Variants in MEGF6 observed in about 807,000 individuals in gnomAD.
MEGF6 encodes the protein multiple EGF like domains 6.
In MEGF6, 184 loss-of-function variants were observed where a neutral mutation model predicts 207.1. The observed-to-expected ratio is 0.89, with a 90% CI of 0.79 to 1.00. The LOEUF (loss-of-function observed/expected upper bound fraction) is 1.00. MEGF6 is among the 50% of genes least tolerant of loss of function. The probability of loss-of-function intolerance (pLI) is 0.00; values close to 1 mark genes in which losing one functional copy is unlikely to be tolerated. For synonymous variants in MEGF6, 1,038 were observed against 910.0 expected (o/e 1.14, Z -2.53); for missense variants, 2,282 against 2,202.9 (o/e 1.04, Z -0.72).
Position 3,492,714 on chromosome 1 carries a change from C to T in MEGF6, c.4441G>A (p.Gly1481Ser). The T allele has an allele frequency of 3.1e-6, 5 of 1,612,658 alleles. No individual in the cohort carries two copies. The South Asian group carries it at 5.5e-5, about 18-fold the overall frequency. The change falls in exon 35 of 37, where the codon GGT (glycine) becomes AGT (serine). Residue 1481 changes from glycine (G) to serine (S), a missense_variant. Physicochemically the swap from Gly to Ser is moderately conservative, Grantham distance 56. Transcript: ENST00000356575. ...CTGACAGGGTCGCAGTCAGCCCCAC[C>T]CCCGCAGTCACAGTGCAGGGTGCAG... ...PSCTLHCDCGGGADCDPVSGQ... is the reference protein window; with the variant it reads ...PSCTLHCDCGSGADCDPVSGQ...
intron 30 of MEGF6, 131 bp from the exon 31 acceptor site, chr1:3,494,872 C>T: frequency 7.4e-7 from 1 of 1,355,868 alleles, no homozygotes; most frequent in East Asian, 2.6e-5. Flanking sequence ...TCTCTGCCTG[C>T]TGGGCGGGCA....
intron 5 of MEGF6, among the ~76,000 whole-genome samples, chr1:3,516,312 GC>G: frequency 6.6e-6 from 1 of 152,370 alleles, no homozygotes; most frequent in East Asian, 1.9e-4. Context: ...AAAAGCGGTA[GC>G]CAGCCCCTCA....
At chr1:3,561,547 AT>A (rs956252894) in intron 4 of MEGF6, among the ~76,000 whole-genome samples, 4 of 152,120 alleles carry the variant, frequency 2.6e-5, no homozygotes, top group African/African-American at 9.7e-5. Context: ...GTCGGGGACC[AT>A]GCACCCCGCA....
chr1:3,557,136 A>G (rs1643059472), intron 4 of MEGF6, among the ~76,000 whole-genome samples: 1 of 152,158 alleles, frequency 6.6e-6, no homozygotes, highest in South Asian at 2.1e-4. Flanking sequence ...CAAAAGCTGG[A>G]AAAGGCAGGG....
intron 3 of MEGF6, among the ~76,000 whole-genome samples, chr1:3,583,394 GCGCAGCCACCAGACAACC>G (rs1570191204): frequency 0.01 from 234 of 23,288 alleles, 50 homozygotes; most frequent in Middle Eastern, 0.05. Context: ...ACCAGACAAC[GCGCAGCCACCAGACAACC>G]CGCAGCCACC....
chr1:3,558,729 C>T (rs1417492638), intron 4 of MEGF6, among the ~76,000 whole-genome samples: 1 of 152,248 alleles, frequency 6.6e-6, no homozygotes, highest in African/African-American at 2.4e-5. Flanking sequence ...ATGCGAGCAG[C>T]ACCCTTCTGC....
intron 4 of MEGF6, among the ~76,000 whole-genome samples, chr1:3,536,440 G>C (rs533925463): frequency 6.6e-6 from 1 of 152,070 alleles, no homozygotes; most frequent in African/African-American, 2.4e-5. Context: ...TCTGGGGTGC[G>C]GAGGGCTCTG....
intron 29 of MEGF6, 114 bp from the exon 30 acceptor site, chr1:3,496,132 C>T: frequency 7.2e-7 from 1 of 1,394,612 alleles, no homozygotes. Context: ...GGGTCTGCCC[C>T]AGACAGGGTG....
At chr1:3,514,839 C>T (rs968051843) in intron 6 of MEGF6, among the ~76,000 whole-genome samples, 167 bp from the exon 7 acceptor site, 7 of 152,278 alleles carry the variant, frequency 4.6e-5, no homozygotes, top group African/African-American at 1.4e-4. Flanking sequence ...TGCGGGAAGC[C>T]CCCAAGACGC....
chr1:3,513,433 A>C (rs558934580), intron 7 of MEGF6, among the ~76,000 whole-genome samples: 1 of 150,514 alleles, frequency 6.6e-6, no homozygotes, highest in Admixed American at 6.6e-5. Flanking sequence ...CATCATGCTC[A>C]GCTAGTTGGG....
chr1:3,580,772 G>A (rs536247634), intron 3 of MEGF6, among the ~76,000 whole-genome samples: 1 of 152,218 alleles, frequency 6.6e-6, no homozygotes, highest in South Asian at 2.1e-4. Flanking sequence ...CAGGGTGGGT[G>A]GGCTGCACCT....
intron 3 of MEGF6, among the ~76,000 whole-genome samples, chr1:3,593,434 C>T (rs1415737241): frequency 1.3e-5 from 2 of 149,994 alleles, no homozygotes; most frequent in East Asian, 2.0e-4. Context: ...TCTCCACCCC[C>T]GCCCCACCCA....
At chr1:3,540,984 A>G (rs1443224295) in intron 4 of MEGF6, among the ~76,000 whole-genome samples, 1 of 152,200 alleles carries the variant, frequency 6.6e-6, no homozygotes, top group Non-Finnish European at 1.5e-5. Flanking sequence ...CCACATCCAG[A>G]GAAGCCACCA....
At chr1:3,605,660 T>G (rs1309747359) in intron 1 of MEGF6, among the ~76,000 whole-genome samples, 2 of 103,208 alleles carry the variant, frequency 1.9e-5, no homozygotes, top group African/African-American at 2.7e-5. Context: ...GCATGCAAGC[T>G]CACAAACTCA....
At chr1:3,532,245 G>A (rs61762171) in intron 4 of MEGF6, among the ~76,000 whole-genome samples, 5,651 of 152,330 alleles carry the variant, frequency 0.037, 172 homozygotes, top group African/African-American at 0.067. Context: ...TTAGAGCCTC[G>A]TCAAGCACTT....
intron 4 of MEGF6, among the ~76,000 whole-genome samples, chr1:3,541,973 C>T (rs549743978): frequency 5.6e-4 from 85 of 152,372 alleles, no homozygotes; most frequent in African/African-American, 2.0e-3. Flanking sequence ...ACCCTGGAAG[C>T]CCCCGCGGCC....
intron 3 of MEGF6, among the ~76,000 whole-genome samples, chr1:3,591,185 G>T (rs1192650151): frequency 6.6e-6 from 1 of 152,242 alleles, no homozygotes; most frequent in Non-Finnish European, 1.5e-5. Context: ...GAGATGGGAA[G>T]CGCACGGCAG....
Position 3,594,566 on chromosome 1 carries a change from G to T in MEGF6, c.376+772C>A, listed in dbSNP as rs959816390. On this transcript the variant is annotated intron_variant, in intron 3 of 36. Transcript: ENST00000356575. This position sits in a 1 kb window ranked among gnomAD's most constrained non-coding sequence, Gnocchi z 4.2. ...AGGGGAGGCCGGCTTTATGGGACAGGGTCCCATGACCTCTGGACTGACCCC... is the reference window on the plus strand; with the variant it reads ...AGGGGAGGCCGGCTTTATGGGACAGTGTCCCATGACCTCTGGACTGACCCC... 6.6e-6 allele frequency among the ~76,000 whole-genome samples: 1 copy of T among 152,204 alleles called. No individual in the cohort carries two copies. Among genetic ancestry groups the T allele is most frequent in the African/African-American group, 2.4e-5 (1 of 41,452 alleles).
intron 4 of MEGF6, among the ~76,000 whole-genome samples, chr1:3,547,764 G>A (rs967041319): frequency 2.0e-5 from 3 of 152,174 alleles, no homozygotes; most frequent in Admixed American, 6.5e-5. Context: ...CCGTCTTTGC[G>A]GGTGCGGGAA....
Sources: gnomAD v4.1 joint callset for allele counts (sites outside exome capture counted in the v4.1 genomes callset) on GRCh38, gnomAD v4.1.1 for gene constraint, Gnocchi (gnomAD v3.1) non-coding constraint, MANE v1.5 for transcripts, NCBI Gene and HGNC (gene_info 2026-07-23, HGNC 2026-07-21) for gene names.